Variants in ABHD14A observed in about 807,000 individuals in gnomAD.
The protein encoded by ABHD14A is protein ABHD14A.
ABHD14A carries 19 observed loss-of-function variants against 27.0 expected under a neutral mutation model. The observed-to-expected ratio is 0.70, with a 90% CI of 0.49 to 1.03. The LOEUF (loss-of-function observed/expected upper bound fraction) is 1.03, where lower values mean the gene tolerates loss of function less well. Among genes scored for constraint, ABHD14A ranks in the 50% least tolerant of loss-of-function variants. The pLI is 0.00. For missense variants in ABHD14A, 311 were observed against 344.6 expected (o/e 0.90, Z 0.77); for synonymous variants, 148 against 158.8 (o/e 0.93, Z 0.51).
At chr3:51,979,960 C>T (rs1158819547) in intron 3 of ABHD14A, among the ~76,000 whole-genome samples, 2 of 151,750 alleles carry the variant, frequency 1.3e-5, no homozygotes, top group African/African-American at 4.8e-5. Flanking sequence ...GTCTCGCAGT[C>T]GCCCAGGCTA....
chr3:51,976,545 G>A (rs915207706), intron 1 of ABHD14A, among the ~76,000 whole-genome samples: 7 of 152,152 alleles, frequency 4.6e-5, no homozygotes, highest in South Asian at 2.1e-4. Flanking sequence ...GCGCGGTGGC[G>A]GGAGCCTGTA....
intron 1 of ABHD14A, among the ~76,000 whole-genome samples, chr3:51,976,833 C>G (rs959810119): frequency 6.6e-6 from 1 of 152,174 alleles, no homozygotes; most frequent in Non-Finnish European, 1.5e-5. Context: ...CGAGGTTATC[C>G]CATTTTACTG....
intron 1 of ABHD14A, among the ~76,000 whole-genome samples, chr3:51,975,575 C>T (rs549679932): frequency 1.8e-4 from 27 of 151,216 alleles, no homozygotes; most frequent in African/African-American, 6.6e-4. Context: ...GTGTGCATTT[C>T]TGGGGGTTTG....
chr3:51,978,735 G>T, intron 3 of ABHD14A: 1 of 273,936 alleles, frequency 3.7e-6, no homozygotes, highest in South Asian at 3.1e-5. Context: ...GAGATTACAG[G>T]TGACTGCCAC....
Position 51,980,466 on chromosome 3 carries a change from G to A in ABHD14A, c.471G>A (p.Leu157=). 1 of 1,613,660 alleles carries A rather than the reference G, an allele frequency of 6.2e-7. No individual in the cohort carries two copies. Among genetic ancestry groups the A allele is most frequent in the South Asian group, 1.1e-5 (1 of 91,084 alleles). ...GGGCAGCGCTGCTGGAGCGGGCGCT[G>A]CGGGACCTGGAGGTACAGAATGCCG... ...AGRAALLERA[L]RDLEVQNAVL... Residue 157 remains leucine, a synonymous_variant, in exon 4 of 5, where the codon CTG becomes CTA. Coordinates refer to ENST00000273596, the MANE Select transcript of ABHD14A (RefSeq NM_015407.5).
chr3:51,979,293 G>A (rs879502542), intron 3 of ABHD14A, among the ~76,000 whole-genome samples: 1 of 152,166 alleles, frequency 6.6e-6, no homozygotes, highest in Non-Finnish European at 1.5e-5. Context: ...TCCCATAGGA[G>A]GGATGGACAG....
At chr3:51,978,128 G>C in intron 2 of ABHD14A, 46 bp downstream of exon 2, 1 of 1,580,154 alleles carries the variant, frequency 6.3e-7, no homozygotes, top group Non-Finnish European at 8.6e-7. Flanking sequence ...GGCTCAAGGG[G>C]AGTCCCTGTG....
chr3:51,978,752 TG>T, intron 3 of ABHD14A: 2 of 252,830 alleles, frequency 7.9e-6, no homozygotes, highest in South Asian at 3.6e-5. Flanking sequence ...CCACCACGCC[TG>T]GCTAATTTTT....
intron 3 of ABHD14A, 72 bp from the exon 4 acceptor site, chr3:51,980,321 C>G (rs1323583743): frequency 9.0e-6 from 13 of 1,445,920 alleles, no homozygotes. Context: ...AACTTTTTCC[C>G]CCACTGTGGT....
chr3:51,978,251 G>A lies in ABHD14A; in HGVS notation c.282-8G>A. 3 of 1,548,644 alleles carry A rather than the reference G, an allele frequency of 1.9e-6. No individual in the cohort carries two copies. The highest frequency in any genetic ancestry group is 1.4e-5 in the African/African-American group (1 of 73,124). ...TCCCAGCAAACACATTCCCCTGTGTGCCTGCAGGGTGGAGGTGGTGCTGCT... is the reference window on the plus strand; with the variant it reads ...TCCCAGCAAACACATTCCCCTGTGTACCTGCAGGGTGGAGGTGGTGCTGCT... On this transcript the variant is annotated splice_region_variant and splice_polypyrimidine_tract_variant and intron_variant, in intron 2 of 4. Coordinates refer to ENST00000273596, the MANE Select transcript of ABHD14A (RefSeq NM_015407.5).
At chr3:51,975,382 G>A (rs1347329127) in intron 1 of ABHD14A, among the ~76,000 whole-genome samples, 178 bp downstream of exon 1, 1 of 151,746 alleles carries the variant, frequency 6.6e-6, no homozygotes, top group Non-Finnish European at 1.5e-5. Context: ...TATGTTCTTG[G>A]GGGTCTGGGT....
intron 1 of ABHD14A, 125 bp from the exon 2 acceptor site, chr3:51,977,746 A>C (rs1700815788): frequency 2.2e-6 from 2 of 920,862 alleles, no homozygotes; most frequent in Non-Finnish European, 3.3e-6. Context: ...TGCCCAGAGC[A>C]AGGGAAAGGG....
chr3:51,978,283 A>G lies in ABHD14A; in HGVS notation c.306A>G (p.Gly102=), dbSNP rs755464918. The change falls in exon 3 of 5, where the codon GGA becomes GGG. Residue 102 remains glycine (G), a synonymous_variant. Coordinates refer to ENST00000273596, the MANE Select transcript of ABHD14A (RefSeq NM_015407.5). ...AHRVEVVLLH[G]KAFNSHTWEQ... Reference sequence around the variant, plus strand: ...GGGTGGAGGTGGTGCTGCTTCATGGAAAGGCCTTTAACTCTCACACGTGGG... The same window carrying G: ...GGGTGGAGGTGGTGCTGCTTCATGGGAAGGCCTTTAACTCTCACACGTGGG... 2.6e-6 allele frequency: 4 copies of G among 1,551,546 alleles called. No individual in the cohort carries two copies. The South Asian group carries it at 3.6e-5, about 14-fold the overall frequency.
chr3:51,975,149 T>C lies in ABHD14A; in HGVS notation c.14T>C (p.Leu5Pro). The part of the protein sequence containing the change: MVGA[L>P]CGCWFRLGGA... ...GCGGAGGCAGCCATGGTCGGGGCGC[T>C]GTGCGGCTGCTGGTTCCGCCTGGGC... is the stretch of plus-strand genomic sequence containing the variant. The change falls in exon 1 of 5, where the codon CTG (leucine) becomes CCG (proline). Residue 5 changes from leucine to proline, a missense_variant. Transcript: ENST00000273596. 1.6e-6 allele frequency: 2 copies of C among 1,290,124 alleles called. No homozygotes were observed. The highest frequency in any genetic ancestry group is 1.5e-5 in the African/African-American group (1 of 64,824). 79.9% of individuals were successfully genotyped at this position (1,290,124 alleles called of 1,614,324 possible). A position where few individuals can be genotyped will look rare whatever the true frequency, so the allele number is the denominator to read the frequency against.
intron 4 of ABHD14A, 64 bp downstream of exon 4, chr3:51,980,692 C>T (rs1010338034): frequency 1.3e-6 from 2 of 1,571,314 alleles, no homozygotes. Flanking sequence ...GTTCAGGACT[C>T]AAGTCTTACT....
rs922305280 is a variant in ABHD14A at position 51,977,970 on chromosome 3, G to T, written c.169G>T (p.Glu57Ter). The T allele has an allele frequency of 6.2e-7, 1 of 1,613,996 alleles. No homozygotes were observed. Among genetic ancestry groups the T allele is most frequent in the Non-Finnish European group, 8.5e-7 (1 of 1,180,040 alleles). Residue 57 changes from glutamate to a stop codon, truncating the protein, a stop_gained, in exon 2 of 5, where the codon GAG (glutamate) becomes TAG (stop). Transcript: ENST00000273596. LOFTEE classifies it high-confidence loss of function. Reference sequence around the variant, plus strand: ...GTATGTGGGGCTGCCAGGCCCCCCTGAGCAGACTTCCTGCCTCTGGGGAGA... The same window carrying T: ...GTATGTGGGGCTGCCAGGCCCCCCTTAGCAGACTTCCTGCCTCTGGGGAGA... ...LLYVGLPGPP[E>*]QTSCLWGDPN...
At chr3:51,975,350 G>A in intron 1 of ABHD14A, 146 bp downstream of exon 1, 1 of 732,382 alleles carries the variant, frequency 1.4e-6, no homozygotes, top group Non-Finnish European at 1.9e-6. Flanking sequence ...CGTGTAATGT[G>A]TGTGCGCGCG....
chr3:51,980,040 A>C (rs528545027), intron 3 of ABHD14A, among the ~76,000 whole-genome samples: 19 of 151,970 alleles, frequency 1.3e-4, no homozygotes, highest in African/African-American at 4.3e-4. Flanking sequence ...CTCCTGCCTC[A>C]GCCTCCTGCG....
intron 3 of ABHD14A, among the ~76,000 whole-genome samples, chr3:51,979,486 T>C (rs6446141): frequency 0.038 from 5,686 of 150,092 alleles, 388 homozygotes; most frequent in African/African-American, 0.14. Context: ...TTTTTGTTTT[T>C]TGTTTTTTTT....
Sources: allele counts gnomAD v4.1 joint callset (sites outside exome capture counted in the v4.1 genomes callset), GRCh38; gene constraint gnomAD v4.1.1; transcripts MANE v1.5; gene names NCBI Gene and HGNC (gene_info 2026-07-23, HGNC 2026-07-21).